The following PDE4B variants were observed in gnomAD, a reference collection of about 807,000 sequenced individuals.
PDE4B encodes 3',5'-cyclic-AMP phosphodiesterase 4B.
Under a neutral mutation model 82.2 loss-of-function variants are expected in PDE4B, and 20 were observed. The ratio of observed to expected loss-of-function variants is 0.24; its 90% CI spans 0.17 to 0.35. The LOEUF is 0.35. PDE4B is among the 10% of genes least tolerant of loss of function. The pLI is 1.00. For synonymous variants in PDE4B, 320 were observed against 318.9 expected, an observed-to-expected ratio of 1.00 and a Z score of -0.04; for missense variants, 655 against 907.2, an observed-to-expected ratio of 0.72 and a Z score of 3.57.
chr1:66,058,281 A>G (rs1366151503), intron 3 of PDE4B, among the ~76,000 whole-genome samples: 1 of 152,180 alleles, frequency 6.6e-6, no homozygotes, highest in Non-Finnish European at 1.5e-5. Context: ...TGCAGAGCAC[A>G]GCCTTCCTCC....
At chr1:65,862,584 C>T (rs1433572014) in intron 1 of PDE4B, among the ~76,000 whole-genome samples, 4 of 152,082 alleles carry the variant, frequency 2.6e-5, no homozygotes, top group Non-Finnish European at 5.9e-5. Context: ...AGGGAGGAGT[C>T]CCTCTTTTTT....
intron 3 of PDE4B, among the ~76,000 whole-genome samples, chr1:65,926,887 T>A (rs984305799): frequency 3.3e-5 from 5 of 151,788 alleles, no homozygotes; most frequent in African/African-American, 1.2e-4. Context: ...AACAGACATA[T>A]AGAGGAACAA....
At position 66,102,720 on chromosome 1, in the gene PDE4B, A is replaced by T. The variant is rs575838803; in HGVS notation, c.282-144740A>T. 7.9e-5 allele frequency among the ~76,000 whole-genome samples: 12 copies of T among 152,230 alleles called. No homozygotes were observed. In the East Asian group the frequency reaches 1.7e-3, roughly 22 times the overall value. On this transcript the variant is annotated intron_variant, in intron 3 of 16. Transcript: ENST00000341517. ...ATAAGGGATCTGCAAGATCCTTTAG[A>T]TCTACTTCTTCAATTTCCAGTTGAA...
At chr1:65,851,471 T>G (rs994811983) in intron 1 of PDE4B, among the ~76,000 whole-genome samples, 1 of 152,018 alleles carries the variant, frequency 6.6e-6, no homozygotes, top group Non-Finnish European at 1.5e-5. Context: ...TAATGAACAT[T>G]GTATGTTTCT....
intron 3 of PDE4B, among the ~76,000 whole-genome samples, chr1:66,105,887 A>G (rs572079641): frequency 1.6e-3 from 236 of 152,164 alleles, no homozygotes; most frequent in Admixed American, 2.4e-3. Context: ...ATCTGCAAAC[A>G]GGTACAATTT....
intron 1 of PDE4B, among the ~76,000 whole-genome samples, chr1:65,911,573 C>T (rs1415580630): frequency 2.0e-5 from 3 of 151,680 alleles, no homozygotes; most frequent in African/African-American, 7.3e-5. Context: ...TTGACTATAA[C>T]CCTGATAAAA....
chr1:65,935,076 A>G (rs943463839), intron 3 of PDE4B, among the ~76,000 whole-genome samples: 12 of 152,208 alleles, frequency 7.9e-5, no homozygotes, highest in Non-Finnish European at 1.3e-4. Flanking sequence ...TCAGGTGTAC[A>G]TGAAACATTC....
In PDE4B at chr1:65,880,124, G is replaced by A. The variant is rs139633504; in HGVS notation, c.-70-33121G>A. ...TTGCTAGATTTGAAGTCTGGCCAGG[G>A]AAATAATGTGGGCAATTGCTCAAGC... On this transcript the variant is annotated intron_variant, in intron 1 of 16. Transcript: ENST00000341517. Among the ~76,000 whole-genome samples the A allele has an allele frequency of 8.6e-4, 131 of 152,266 alleles. 1 individual carries two copies. The highest frequency in any genetic ancestry group is 3.0e-3 in the African/African-American group (126 of 41,536).
intron 1 of PDE4B, among the ~76,000 whole-genome samples, chr1:65,865,044 A>T (rs908720011): frequency 3.3e-5 from 5 of 152,178 alleles, no homozygotes; most frequent in Non-Finnish European, 7.4e-5. Flanking sequence ...AAGCCCCTGT[A>T]TGGGGCTGCT....
intron 7 of PDE4B, among the ~76,000 whole-genome samples, chr1:66,310,321 A>G (rs1658578451): frequency 6.6e-6 from 1 of 152,082 alleles, no homozygotes. Flanking sequence ...ACTATAACTC[A>G]AATCTCCCAA....
chr1:66,076,483 G>A (rs1039655481), intron 3 of PDE4B, among the ~76,000 whole-genome samples: 2 of 152,102 alleles, frequency 1.3e-5, no homozygotes, highest in Admixed American at 6.6e-5. Context: ...ATGAACATAT[G>A]AGTGCACCTG....
At chr1:66,177,739 A>G (rs891984015) in intron 3 of PDE4B, among the ~76,000 whole-genome samples, 3 of 152,200 alleles carry the variant, frequency 2.0e-5, no homozygotes, top group Non-Finnish European at 4.4e-5. Context: ...CCTTAGTTCA[A>G]GGATATTTAC....
At chr1:65,926,461 T>G (rs1356249467) in intron 3 of PDE4B, among the ~76,000 whole-genome samples, 6 of 152,298 alleles carry the variant, frequency 3.9e-5, no homozygotes, top group South Asian at 4.1e-4. Context: ...TTCTTAAGTT[T>G]GTGCTCCTAA....
At chr1:65,906,806 G>A (rs1647032629) in intron 1 of PDE4B, among the ~76,000 whole-genome samples, 1 of 152,142 alleles carries the variant, frequency 6.6e-6, no homozygotes, top group Non-Finnish European at 1.5e-5. Flanking sequence ...ATTGGTTTAA[G>A]TGGTTGTTCA....
chr1:65,816,137 T>A (rs115522825), intron 1 of PDE4B, among the ~76,000 whole-genome samples: 2,053 of 151,866 alleles, frequency 0.014, 48 homozygotes, highest in African/African-American at 0.045. Flanking sequence ...TTAAGAAAGC[T>A]ATTTTTTAAA....
At chr1:66,202,418 C>T (rs368100736) in intron 3 of PDE4B, among the ~76,000 whole-genome samples, 21 of 152,226 alleles carry the variant, frequency 1.4e-4, no homozygotes, top group African/African-American at 4.1e-4. Flanking sequence ...CTTTCTGTCT[C>T]GTTGATCTGT....
intron 7 of PDE4B, among the ~76,000 whole-genome samples, chr1:66,285,974 T>A (rs1216903740): frequency 6.6e-6 from 1 of 152,156 alleles, no homozygotes; most frequent in Non-Finnish European, 1.5e-5. Flanking sequence ...AATAGAGGAC[T>A]TCCTTTCCTT....
At chr1:65,869,260 T>C (rs1471973093) in intron 1 of PDE4B, among the ~76,000 whole-genome samples, 1 of 152,238 alleles carries the variant, frequency 6.6e-6, no homozygotes, top group Non-Finnish European at 1.5e-5. Context: ...ATCCATTCTG[T>C]GTCCTTGTTT....
intron 3 of PDE4B, among the ~76,000 whole-genome samples, chr1:66,119,416 A>C (rs561232017): frequency 2.0e-5 from 3 of 152,238 alleles, no homozygotes; most frequent in African/African-American, 7.2e-5. Context: ...CTGCCTCTGC[A>C]GCTGGCAACA....
Sources: allele counts gnomAD v4.1 joint callset (sites outside exome capture counted in the v4.1 genomes callset), GRCh38; gene constraint gnomAD v4.1.1; transcripts MANE v1.5; gene names NCBI Gene and HGNC (gene_info 2026-07-23, HGNC 2026-07-21).